Variants in SNX18 observed in about 807,000 individuals in gnomAD.
SNX18 encodes sorting nexin-18.
Under a neutral mutation model 48.7 loss-of-function variants are expected in SNX18, and 35 were observed. That is an observed-to-expected ratio of 0.72 (90% CI 0.55 to 0.95). The LOEUF (loss-of-function observed/expected upper bound fraction) is 0.95. Among genes scored for constraint, SNX18 ranks in the 40% least tolerant of loss-of-function variants. The probability of loss-of-function intolerance (pLI) is 0.00; values close to 1 mark genes in which losing one functional copy is unlikely to be tolerated. For synonymous variants in SNX18, 492 were observed against 384.7 expected (o/e 1.28, Z -3.26); for missense variants, 824 against 871.0 (o/e 0.95, Z 0.68).
the SNX18 span, among the ~76,000 whole-genome samples, chr5:54,564,726 T>C: frequency 2.0e-5 from 3 of 151,830 alleles, no homozygotes; most frequent in African/African-American, 7.3e-5. Context: ...GGTGCGGTGG[T>C]ACGTGCCTGT....
the SNX18 span, among the ~76,000 whole-genome samples, chr5:54,559,046 C>A: frequency 2.0e-5 from 3 of 151,336 alleles, no homozygotes; most frequent in Non-Finnish European, 2.9e-5. Context: ...ACAAGGAGAA[C>A]TGTTAAACAC....
chr5:54,582,619 A>C, the SNX18 span, among the ~76,000 whole-genome samples: 3,545 of 151,932 alleles, frequency 0.023, 156 homozygotes, highest in African/African-American at 0.082. Context: ...ACCAAAAAAC[A>C]AAAAAACAAC....
chr5:54,636,695 G>A, the SNX18 span, among the ~76,000 whole-genome samples: 1 of 152,152 alleles, frequency 6.6e-6, no homozygotes, highest in Non-Finnish European at 1.5e-5. Context: ...TAAGTGGAAT[G>A]TTCATCTAAA....
At chr5:54,547,002 C>T (rs1031779532), downstream of SNX18, among the ~76,000 whole-genome samples, 12 of 152,202 alleles carry the variant, frequency 7.9e-5, no homozygotes, top group African/African-American at 2.7e-4. Flanking sequence ...TGCAAGGGGC[C>T]AAAGTCCCAT....
chr5:54,586,893 A>G, the SNX18 span, among the ~76,000 whole-genome samples: 1 of 152,176 alleles, frequency 6.6e-6, no homozygotes, highest in Non-Finnish European at 1.5e-5. Flanking sequence ...GCATTTGTAT[A>G]TAAATATAGA....
the SNX18 span, among the ~76,000 whole-genome samples, chr5:54,599,984 A>G: frequency 6.6e-6 from 1 of 152,204 alleles, no homozygotes; most frequent in Non-Finnish European, 1.5e-5. Flanking sequence ...AAATTGACAA[A>G]TGGGGTCTAA....
the SNX18 span, among the ~76,000 whole-genome samples, chr5:54,575,738 C>G: frequency 6.6e-6 from 1 of 151,982 alleles, no homozygotes; most frequent in Admixed American, 6.6e-5. Context: ...CCCCACCATA[C>G]CAGGAGAGAA....
At chr5:54,589,209 T>C in the SNX18 span, among the ~76,000 whole-genome samples, 1 of 152,152 alleles carries the variant, frequency 6.6e-6, no homozygotes, top group African/African-American at 2.4e-5. Context: ...GCATCCCTTT[T>C]CCTCTCATTT....
the SNX18 span, among the ~76,000 whole-genome samples, chr5:54,586,430 T>C: frequency 7.4e-6 from 1 of 135,078 alleles, no homozygotes; most frequent in South Asian, 2.5e-4. Flanking sequence ...TACTGCAGAG[T>C]AGGTAATTTA....
chr5:54,638,724 A>T, the SNX18 span, among the ~76,000 whole-genome samples: 1 of 152,168 alleles, frequency 6.6e-6, no homozygotes, highest in East Asian at 1.9e-4. Flanking sequence ...ATCTTACAAG[A>T]TATGTATTTT....
At chr5:54,623,498 T>A in the SNX18 span, among the ~76,000 whole-genome samples, 1 of 151,768 alleles carries the variant, frequency 6.6e-6, no homozygotes, top group Non-Finnish European at 1.5e-5. Context: ...GGTGGATGGA[T>A]CAGACCAGCC....
At chr5:54,644,313 G>A in the SNX18 span, 1 of 152,206 alleles carries the variant, frequency 6.6e-6, no homozygotes, top group East Asian at 1.9e-4. Flanking sequence ...TACAGTCAAG[G>A]AGCCTATGAG....
intron 1 of SNX18, among the ~76,000 whole-genome samples, chr5:54,521,562 A>T (rs916482847): frequency 1.8e-4 from 27 of 151,714 alleles, no homozygotes; most frequent in African/African-American, 5.3e-4. Flanking sequence ...TTAGCGTGGC[A>T]TGGTGGCTCA....
At position 54,544,507 on chromosome 5, in the gene SNX18, A is replaced by G. The variant is rs1762536878; in HGVS notation, c.*1075A>G. On this transcript the variant is annotated 3_prime_UTR_variant, in exon 2 of 2. Coordinates refer to ENST00000381410, the MANE Select transcript of SNX18 (RefSeq NM_001102575.2). ...AGGGATGTCTGTAAATTTCAGTGTT[A>G]ATATGTCATGAAAAGTGGTGTGGAT... is the stretch of plus-strand genomic sequence containing the variant. The G allele has an allele frequency of 6.6e-6, 1 of 151,994 alleles. No homozygotes were observed. Among genetic ancestry groups the G allele is most frequent in the African/African-American group, 2.4e-5 (1 of 41,384 alleles). 9.4% of individuals were successfully genotyped at this position (151,994 alleles called of 1,614,324 possible).
chr5:54,552,499 T>C, the SNX18 span, among the ~76,000 whole-genome samples: 1 of 152,326 alleles, frequency 6.6e-6, no homozygotes, highest in Middle Eastern at 3.4e-3. Context: ...GCATATTCTG[T>C]CCTGTGGACA....
At chr5:54,552,929 C>A in the SNX18 span, among the ~76,000 whole-genome samples, 10 of 152,046 alleles carry the variant, frequency 6.6e-5, no homozygotes, top group African/African-American at 2.4e-4. Flanking sequence ...GGCCTCCGAA[C>A]CTGAAGACTT....
chr5:54,630,640 C>T, the SNX18 span, among the ~76,000 whole-genome samples: 1 of 152,040 alleles, frequency 6.6e-6, no homozygotes, highest in South Asian at 2.1e-4. Flanking sequence ...TCAAGACCAG[C>T]CTGGCCAACA....
At chr5:54,568,179 G>T in the SNX18 span, among the ~76,000 whole-genome samples, 123,234 of 152,104 alleles carry the variant, frequency 0.81, 50,080 homozygotes, top group Middle Eastern at 0.84. Flanking sequence ...ATTCAAGAGG[G>T]CAAAGACCTC....
chr5:54,540,756 C>T (rs1762453177), intron 1 of SNX18, among the ~76,000 whole-genome samples: 1 of 152,164 alleles, frequency 6.6e-6, no homozygotes, highest in Non-Finnish European at 1.5e-5. Flanking sequence ...ATTACCAGTG[C>T]AGGCAACAAC....
Sources: gnomAD v4.1 joint callset for allele counts (sites outside exome capture counted in the v4.1 genomes callset) on GRCh38, gnomAD v4.1.1 for gene constraint, MANE v1.5 for transcripts, NCBI Gene and HGNC (gene_info 2026-07-23, HGNC 2026-07-21) for gene names.